The following SHANK2 variants were observed in gnomAD, a reference collection of about 807,000 sequenced individuals.
SHANK2 encodes the protein SH3 and multiple ankyrin repeat domains 2.
A neutral mutation model predicts 133.7 loss-of-function variants in SHANK2; 43 were observed. That is an observed-to-expected ratio of 0.32 (90% CI 0.25 to 0.41). SHANK2 has a LOEUF of 0.41. SHANK2 is among the 10% of genes least tolerant of loss of function. The probability of loss-of-function intolerance (pLI) is 1.00; values close to 1 mark genes in which losing one functional copy is unlikely to be tolerated. For synonymous variants in SHANK2, 1,017 were observed against 952.8 expected (o/e 1.07, Z -1.24); for missense variants, 1,994 against 2,235.8 (o/e 0.89, Z 2.18).
intron 10 of SHANK2, among the ~76,000 whole-genome samples, chr11:70,954,311 C>T (rs1555087284): frequency 6.6e-6 from 1 of 152,194 alleles, no homozygotes; most frequent in Admixed American, 6.5e-5. Flanking sequence ...ACAATATCAC[C>T]CACGGTGTCA....
At chr11:71,103,425 C>A (rs1951750277) in intron 6 of SHANK2, among the ~76,000 whole-genome samples, 1 of 152,204 alleles carries the variant, frequency 6.6e-6, no homozygotes, top group South Asian at 2.1e-4. Context: ...AAAACCAGGG[C>A]AGTCCCGGGA....
At chr11:70,483,597 G>T (rs2058764145) in intron 25 of SHANK2, among the ~76,000 whole-genome samples, 1 of 149,548 alleles carries the variant, frequency 6.7e-6, no homozygotes, top group Non-Finnish European at 1.5e-5. Flanking sequence ...TATTGTCCTA[G>T]CTACTCAGGA....
intron 11 of SHANK2, among the ~76,000 whole-genome samples, chr11:70,885,016 C>T (rs1432617940): frequency 2.0e-5 from 3 of 152,182 alleles, no homozygotes; most frequent in Admixed American, 6.5e-5. Context: ...ACACTGCGCC[C>T]AGCCAGGGGT....
chr11:70,593,409 T>C (rs1554988564), intron 17 of SHANK2, among the ~76,000 whole-genome samples: 1 of 152,234 alleles, frequency 6.6e-6, no homozygotes, highest in Admixed American at 6.5e-5. Flanking sequence ...TTTCTAGATC[T>C]GGATCCTGGA....
intron 17 of SHANK2, among the ~76,000 whole-genome samples, chr11:70,639,016 A>C (rs1555005336): frequency 7.2e-6 from 1 of 139,840 alleles, no homozygotes; most frequent in East Asian, 1.9e-4. Flanking sequence ...AAAAAAACAA[A>C]AAAAAAACAA....
intron 1 of SHANK2, among the ~76,000 whole-genome samples, chr11:71,237,019 C>T (rs1035652087): frequency 6.6e-6 from 1 of 152,336 alleles, no homozygotes; most frequent in South Asian, 2.1e-4. Flanking sequence ...ATCAGTCATA[C>T]CTCCTGGATC....
At chr11:70,672,887 T>C in intron 15 of SHANK2, among the ~76,000 whole-genome samples, 1 of 152,198 alleles carries the variant, frequency 6.6e-6, no homozygotes, top group Non-Finnish European at 1.5e-5. Flanking sequence ...CACTTTCTAG[T>C]CCTGGCTCTG....
intron 17 of SHANK2, among the ~76,000 whole-genome samples, chr11:70,630,816 A>G (rs887863335): frequency 6.6e-6 from 1 of 152,154 alleles, no homozygotes; most frequent in Admixed American, 6.5e-5. Flanking sequence ...GAGGGGAGAC[A>G]CTTCTGTTGT....
chr11:70,747,996 A>G (rs1022280523), intron 14 of SHANK2, among the ~76,000 whole-genome samples: 2 of 152,208 alleles, frequency 1.3e-5, no homozygotes, highest in Non-Finnish European at 2.9e-5. Context: ...AGGAGGCAGG[A>G]GACTGCACTG....
Position 71,197,327 on chromosome 11 carries a change from A to G in SHANK2, c.-13+27370T>C, listed in dbSNP as rs151210185. ...TGTGGGCAGGTTCCAAGATGCTACC[A>G]CTCCAAGCATGTGCTACAGCCTGTG... On this transcript the variant is annotated intron_variant, in intron 2 of 25. Coordinates refer to ENST00000601538, the MANE Select transcript of SHANK2 (RefSeq NM_012309.5). Among the ~76,000 whole-genome samples, 261 of 152,210 alleles carry G rather than the reference A, an allele frequency of 1.7e-3. 4 individuals are homozygous for G. Among genetic ancestry groups the G allele is most frequent in the Admixed American group, 0.014 (212 of 15,288 alleles).
chr11:71,200,586 A>G (rs551772119), intron 2 of SHANK2, among the ~76,000 whole-genome samples: 4 of 152,100 alleles, frequency 2.6e-5, no homozygotes, highest in South Asian at 2.1e-4. Flanking sequence ...CTCTACATTT[A>G]ACATAACTCT....
chr11:71,088,873 G>A (rs897882814), intron 8 of SHANK2, among the ~76,000 whole-genome samples: 31 of 137,528 alleles, frequency 2.3e-4, no homozygotes, highest in African/African-American at 5.3e-4. Context: ...GCCTCCCCTC[G>A]TCCTGAACTT....
At position 70,826,348 on chromosome 11, in the gene SHANK2, C is replaced by T. The variant is rs547545264; in HGVS notation, c.1175-5666G>A. On this transcript the variant is annotated intron_variant, in intron 11 of 25. Coordinates refer to ENST00000601538, the MANE Select transcript of SHANK2 (RefSeq NM_012309.5). ...ACCAAAGTCATTATCCCCTGACATG[C>T]TAGGGATTAACAACTGGCAATTTTA... 9.3e-4 allele frequency: 402 copies of T among 432,920 alleles called. 4 individuals are homozygous for T. The highest frequency in any genetic ancestry group is 1.6e-3 in the Non-Finnish European group (337 of 208,064). 26.8% of individuals were successfully genotyped at this position (432,920 alleles called of 1,614,324 possible). A position where few individuals can be genotyped will look rare whatever the true frequency, so the allele number is the denominator to read the frequency against.
At chr11:70,603,740 G>A (rs1392673343) in intron 17 of SHANK2, 4 of 152,754 alleles carry the variant, frequency 2.6e-5, no homozygotes, top group African/African-American at 7.2e-5. Flanking sequence ...GAGGCGCCAG[G>A]AGAATCCCAC....
intron 14 of SHANK2, among the ~76,000 whole-genome samples, chr11:70,784,349 T>G (rs1291823127): frequency 1.7e-5 from 2 of 120,742 alleles, no homozygotes; most frequent in African/African-American, 7.8e-5. Flanking sequence ...GCTAGTTTTT[T>G]TTTTTTTTTT....
intron 11 of SHANK2, among the ~76,000 whole-genome samples, chr11:70,889,666 C>A (rs868955958): frequency 7.2e-5 from 11 of 152,330 alleles, no homozygotes; most frequent in South Asian, 6.2e-4. Flanking sequence ...CTGCATTCCA[C>A]ACAAGTTCCC....
At chr11:70,810,604 CGGCCTGAACCTCCCGTCACTCCCA>C (rs1282883957) in intron 12 of SHANK2, among the ~76,000 whole-genome samples, 1 of 152,226 alleles carries the variant, frequency 6.6e-6, no homozygotes, top group Non-Finnish European at 1.5e-5. Context: ...GCTCTGTGGA[CGGCCTGAACCTCCCGTCACTCCCA>C]GGCTGACCTG....
intron 8 of SHANK2, among the ~76,000 whole-genome samples, chr11:71,078,425 T>C (rs1254628410): frequency 6.6e-6 from 1 of 152,126 alleles, no homozygotes; most frequent in Non-Finnish European, 1.5e-5. Context: ...TTAGCAACCA[T>C]AATAGCATTA....
chr11:70,873,053 G>C, intron 11 of SHANK2: 1 of 471,392 alleles, frequency 2.1e-6, no homozygotes, highest in Admixed American at 2.3e-5. Context: ...CCATCCTGGT[G>C]CCTCTGCCTC....
Sources: allele counts gnomAD v4.1 joint callset (sites outside exome capture counted in the v4.1 genomes callset), GRCh38; gene constraint gnomAD v4.1.1; transcripts MANE v1.5; gene names NCBI Gene and HGNC (gene_info 2026-07-23, HGNC 2026-07-21).